Variants in NCOA7 observed in about 807,000 individuals in gnomAD.
The protein encoded by NCOA7 is nuclear receptor coactivator 7.
In NCOA7, 45 loss-of-function variants were observed where a neutral mutation model predicts 104.3. The observed-to-expected ratio is 0.43, with a 90% CI of 0.34 to 0.55. The LOEUF (loss-of-function observed/expected upper bound fraction) is 0.55. Ranked by LOEUF, NCOA7 falls within the 20% of genes least tolerant of loss-of-function variation. The probability of loss-of-function intolerance (pLI) is 0.02; values close to 1 mark genes in which losing one functional copy is unlikely to be tolerated. For synonymous variants in NCOA7, 398 were observed against 402.3 expected (o/e 0.99, Z 0.13); for missense variants, 1,041 against 1,119.7 (o/e 0.93, Z 1.00).
rs559386188 is a variant in NCOA7 at position 125,822,948 on chromosome 6, A to AC, written c.50+7544_50+7545insC. 2.1e-3 allele frequency among the ~76,000 whole-genome samples: 314 copies of AC among 151,334 alleles called. 1 individual carries two copies. The highest frequency in any genetic ancestry group is 7.3e-3 in the African/African-American group (302 of 41,292). ...AGACTCCATCTCCAAAAAAAAAAAA[A>AC]AACAACAAAAAAAAACATGCTGTTA... On this transcript the variant is annotated intron_variant, in intron 2 of 15. Coordinates refer to ENST00000392477, the MANE Select transcript of NCOA7 (RefSeq NM_181782.5).
In NCOA7 at chr6:125,927,740, A is replaced by G. The variant is rs748063005; in HGVS notation, c.2601A>G (p.Thr867=). The G allele has an allele frequency of 6.2e-6, 10 of 1,610,820 alleles. No individual in the cohort carries two copies. The highest frequency in any genetic ancestry group is 1.7e-5 in the Admixed American group (1 of 60,004). ...GCACAGGCGAAACTTTTCTCTACAC[A>G]TTCAGCCCTCATTTTAAGGTACCTA... is the stretch of plus-strand genomic sequence containing the variant. The part of the protein sequence containing the change: ...YYGTGETFLY[T]FSPHFKVFKW... The change falls in exon 14 of 16, where the codon ACA becomes ACG. Residue 867 remains threonine, a synonymous_variant. Coordinates refer to ENST00000392477, the MANE Select transcript of NCOA7 (RefSeq NM_181782.5).
At chr6:125,903,825 C>T (rs149310672) in intron 10 of NCOA7, among the ~76,000 whole-genome samples, 3,879 of 151,854 alleles carry the variant, frequency 0.026, 158 homozygotes, top group African/African-American at 0.083. Flanking sequence ...TCTGCCTCAG[C>T]CTCCCAAGTA....
chr6:125,834,466 A>G (rs1221977757), intron 2 of NCOA7, among the ~76,000 whole-genome samples: 1 of 152,212 alleles, frequency 6.6e-6, no homozygotes, highest in South Asian at 2.1e-4. Context: ...AACCTAAGCT[A>G]ACTTCTTGGT....
intron 2 of NCOA7, among the ~76,000 whole-genome samples, chr6:125,844,211 G>T (rs946022698): frequency 6.6e-6 from 1 of 152,212 alleles, no homozygotes; most frequent in Non-Finnish European, 1.5e-5. Context: ...GGGAAATGCT[G>T]TTGTGTGTAT....
intron 2 of NCOA7, among the ~76,000 whole-genome samples, chr6:125,847,889 T>A (rs1252419833): frequency 2.6e-5 from 4 of 151,920 alleles, no homozygotes; most frequent in African/African-American, 9.7e-5. Context: ...GGGAGAAAAA[T>A]TTTGCAATCT....
intron 2 of NCOA7, among the ~76,000 whole-genome samples, chr6:125,826,109 T>C (rs961538938): frequency 3.3e-5 from 5 of 152,134 alleles, no homozygotes; most frequent in African/African-American, 9.7e-5. Context: ...GTGTATTGCC[T>C]GACCTCAGGA....
chr6:125,921,362 A>T (rs1160703306), intron 12 of NCOA7, among the ~76,000 whole-genome samples: 1 of 152,068 alleles, frequency 6.6e-6, no homozygotes, highest in African/African-American at 2.4e-5. Flanking sequence ...GTGAGCCAAG[A>T]TCGCACCACT....
At chr6:125,886,516 G>A (rs370108178) in intron 8 of NCOA7, among the ~76,000 whole-genome samples, 1 of 152,126 alleles carries the variant, frequency 6.6e-6, no homozygotes, top group East Asian at 1.9e-4. Context: ...TAATGATCTC[G>A]ATTACAAGGG....
chr6:125,929,299 G>A lies in NCOA7; in HGVS notation c.*528G>A, dbSNP rs1385260748. The stretch of plus-strand genomic sequence containing the variant: ...ATTTGTAGTATATTGTCTGAAATGT[G>A]TCGGCAGTTTTTTTTCTTTTAATGT... On this transcript the variant is annotated 3_prime_UTR_variant, in exon 16 of 16. Transcript: ENST00000392477. The A allele has an allele frequency of 6.7e-6, 1 of 149,926 alleles. No individual in the cohort carries two copies. The highest frequency in any genetic ancestry group is 1.5e-5 in the Non-Finnish European group (1 of 67,606). 9.3% of individuals were successfully genotyped at this position (149,926 alleles called of 1,614,324 possible). A position where few individuals can be genotyped will look rare whatever the true frequency, so the allele number is the denominator to read the frequency against.
At chr6:125,893,026 A>G (rs967695671) in intron 10 of NCOA7, among the ~76,000 whole-genome samples, 3 of 152,200 alleles carry the variant, frequency 2.0e-5, no homozygotes, top group Non-Finnish European at 4.4e-5. Flanking sequence ...ACAGTAAGAA[A>G]TATTTATTTT....
chr6:125,914,198 CAAACTA>C (rs978603282), intron 10 of NCOA7, among the ~76,000 whole-genome samples: 107 of 152,320 alleles, frequency 7.0e-4, no homozygotes, highest in African/African-American at 2.5e-3. Flanking sequence ...GAAATACAAA[CAAACTA>C]AATATCCTGA....
intron 10 of NCOA7, among the ~76,000 whole-genome samples, chr6:125,894,449 A>C (rs1489559779): frequency 6.6e-6 from 1 of 152,200 alleles, no homozygotes; most frequent in Non-Finnish European, 1.5e-5. Flanking sequence ...TTGGGCTGAA[A>C]TAATGAGCCC....
intron 2 of NCOA7, among the ~76,000 whole-genome samples, chr6:125,848,464 G>A (rs1371509492): frequency 6.6e-6 from 1 of 152,250 alleles, no homozygotes; most frequent in Non-Finnish European, 1.5e-5. Context: ...GGAATACCAT[G>A]CAGCCATAAA....
At chr6:125,808,284 T>C (rs1776645144) in intron 1 of NCOA7, among the ~76,000 whole-genome samples, 1 of 152,206 alleles carries the variant, frequency 6.6e-6, no homozygotes, top group African/African-American at 2.4e-5. Context: ...GCATCACCTG[T>C]GACATTGCTG....
At chr6:125,853,988 C>G (rs1422998179) in intron 2 of NCOA7, among the ~76,000 whole-genome samples, 15 of 152,138 alleles carry the variant, frequency 9.9e-5, no homozygotes, top group Non-Finnish European at 1.5e-5. Context: ...CTACAGTTAT[C>G]TCATTTTTCT....
At chr6:125,877,548 C>T (rs1379127135) in intron 4 of NCOA7, among the ~76,000 whole-genome samples, 1 of 152,164 alleles carries the variant, frequency 6.6e-6, no homozygotes, top group African/African-American at 2.4e-5. Context: ...AGCTGTTTTC[C>T]TGTGAAGTTT....
At chr6:125,804,728 T>C (rs542970856) in intron 1 of NCOA7, among the ~76,000 whole-genome samples, 1 of 152,310 alleles carries the variant, frequency 6.6e-6, no homozygotes, top group Non-Finnish European at 1.5e-5. Flanking sequence ...GCTATAATTT[T>C]AGTGCTTAGA....
chr6:125,919,338 A>C (rs1787363113), intron 11 of NCOA7: 22 of 1,612,850 alleles, frequency 1.4e-5, no homozygotes, highest in Non-Finnish European at 1.9e-5. Flanking sequence ...AGAGAGAGCC[A>C]CACTTCTCAC....
chr6:125,876,361 C>T (rs1162365006), intron 4 of NCOA7, among the ~76,000 whole-genome samples: 1 of 152,048 alleles, frequency 6.6e-6, no homozygotes, highest in African/African-American at 2.4e-5. Context: ...CTTATATTAC[C>T]ATTGTCTAAA....
Sources: allele counts gnomAD v4.1 joint callset (sites outside exome capture counted in the v4.1 genomes callset), GRCh38; gene constraint gnomAD v4.1.1; transcripts MANE v1.5; gene names NCBI Gene and HGNC (gene_info 2026-07-23, HGNC 2026-07-21).